The following PEBP4 variants were observed in gnomAD, a reference collection of about 807,000 sequenced individuals.
PEBP4 encodes the protein phosphatidylethanolamine binding protein 4.
A neutral mutation model predicts 23.9 loss-of-function variants in PEBP4; 22 were observed. The observed-to-expected ratio is 0.92, with a 90% CI of 0.66 to 1.31. PEBP4 has a LOEUF of 1.31. Ranked by LOEUF, PEBP4 falls within the 40% of genes most tolerant of loss-of-function variation. The probability of loss-of-function intolerance (pLI) is 0.00; values close to 1 mark genes in which losing one functional copy is unlikely to be tolerated. For missense variants in PEBP4, 324 were observed against 281.7 expected (o/e 1.15, Z -1.07); for synonymous variants, 112 against 99.3 (o/e 1.13, Z -0.76).
chr8:22,814,169 C>T (rs566844061), intron 4 of PEBP4, among the ~76,000 whole-genome samples: 1 of 152,266 alleles, frequency 6.6e-6, no homozygotes, highest in Non-Finnish European at 1.5e-5. Context: ...CTCCAGCTTA[C>T]GAGTGAGTAT....
At chr8:22,903,132 AC>A (rs899463305) in intron 3 of PEBP4, among the ~76,000 whole-genome samples, 2 of 152,082 alleles carry the variant, frequency 1.3e-5, no homozygotes, top group Admixed American at 6.5e-5. Context: ...AAGAAGAATC[AC>A]CCCGGAAACC....
chr8:22,848,970 G>A (rs924198359), intron 3 of PEBP4, among the ~76,000 whole-genome samples: 1 of 152,188 alleles, frequency 6.6e-6, no homozygotes, highest in African/African-American at 2.4e-5. Flanking sequence ...GAGTCCAGTG[G>A]CAGGAATCTG....
chr8:22,869,054 C>A (rs1187712933), intron 3 of PEBP4, among the ~76,000 whole-genome samples: 1 of 152,226 alleles, frequency 6.6e-6, no homozygotes. Context: ...CCACACTGGC[C>A]TCCTTGCAGT....
rs113380878 is a variant in PEBP4 at position 22,821,984 on chromosome 8, C to CAAA, written c.259-4252_259-4250dup. Among the ~76,000 whole-genome samples the CAAA allele has an allele frequency of 1.1e-3, 144 of 130,958 alleles. 2 individuals carry two copies. Among genetic ancestry groups the CAAA allele is most frequent in the African/African-American group, 2.7e-3 (94 of 34,306 alleles). The allele number at this position is 130,958 out of a possible 152,430, so 85.9% of individuals were successfully genotyped here. ...TGGGCGACAGAGCAAGACCTCGTCT[C>CAAA]AAAAAAAAAAAAAAAGAGGCTGAGG... is the stretch of plus-strand genomic sequence containing the variant. On this transcript the variant is annotated intron_variant, in intron 3 of 6. Transcript: ENST00000256404.
intron 3 of PEBP4, among the ~76,000 whole-genome samples, chr8:22,834,355 A>G (rs966170975): frequency 6.6e-6 from 1 of 152,218 alleles, no homozygotes; most frequent in Admixed American, 6.5e-5. Context: ...CTGGAGCCGA[A>G]AGCCTTTCAT....
chr8:22,736,782 A>C (rs1304987131), intron 4 of PEBP4, among the ~76,000 whole-genome samples: 1 of 152,196 alleles, frequency 6.6e-6, no homozygotes, highest in Non-Finnish European at 1.5e-5. Flanking sequence ...CATTTATCTG[A>C]AGTCATATAG....
At chr8:22,837,806 C>A (rs1807236490) in intron 3 of PEBP4, among the ~76,000 whole-genome samples, 1 of 151,892 alleles carries the variant, frequency 6.6e-6, no homozygotes, top group Non-Finnish European at 1.5e-5. Context: ...TTGCTTGTAC[C>A]TTTGCTGAGG....
At chr8:22,723,118 C>T (rs930912546) in intron 6 of PEBP4, among the ~76,000 whole-genome samples, 1 of 151,976 alleles carries the variant, frequency 6.6e-6, no homozygotes, top group Non-Finnish European at 1.5e-5. Flanking sequence ...GATGCAAGTC[C>T]AGTTTCTAAG....
chr8:22,766,025 C>T (rs1482227336), intron 4 of PEBP4, among the ~76,000 whole-genome samples: 2 of 152,262 alleles, frequency 1.3e-5, no homozygotes, highest in African/African-American at 2.4e-5. Flanking sequence ...ATGCTATTTT[C>T]GAGGAAGAGC....
chr8:22,735,734 C>T (rs981612242), intron 4 of PEBP4, among the ~76,000 whole-genome samples: 2 of 152,216 alleles, frequency 1.3e-5, no homozygotes, highest in African/African-American at 4.8e-5. Context: ...TGGGCCCCAG[C>T]TGGGGGACAC....
intron 3 of PEBP4, among the ~76,000 whole-genome samples, chr8:22,861,414 A>G (rs929700798): frequency 1.3e-5 from 2 of 152,212 alleles, no homozygotes; most frequent in African/African-American, 2.4e-5. Flanking sequence ...AATATCGACT[A>G]CTATCCCCAT....
At position 22,912,335 on chromosome 8, in the gene PEBP4, C is replaced by T. The variant is rs1808956012; in HGVS notation, c.258+7849G>A. ...AGGGGTGCGTTCTGTGTGTATCCCTCACTACCGGAACAGTACCTGGCAGAG... is the reference window on the plus strand; with the variant it reads ...AGGGGTGCGTTCTGTGTGTATCCCTTACTACCGGAACAGTACCTGGCAGAG... On this transcript the variant is annotated intron_variant, in intron 3 of 6. Transcript: ENST00000256404. Among the ~76,000 whole-genome samples the T allele has an allele frequency of 2.0e-5, 3 of 152,244 alleles. 1 individual carries two copies. The highest frequency in any genetic ancestry group is 7.2e-5 in the African/African-American group (3 of 41,462).
chr8:22,764,160 T>C (rs1388643625), intron 4 of PEBP4, among the ~76,000 whole-genome samples: 3 of 152,162 alleles, frequency 2.0e-5, no homozygotes, highest in Admixed American at 6.5e-5. Context: ...TCACACATAC[T>C]CTATAGCACC....
At chr8:22,782,099 T>C (rs1368482943) in intron 4 of PEBP4, among the ~76,000 whole-genome samples, 2 of 152,158 alleles carry the variant, frequency 1.3e-5, no homozygotes, top group Non-Finnish European at 2.9e-5. Context: ...GACAGAGGTG[T>C]CCAAGTGCTT....
chr8:22,897,468 C>T (rs1808611635), intron 3 of PEBP4, among the ~76,000 whole-genome samples: 1 of 152,164 alleles, frequency 6.6e-6, no homozygotes, highest in African/African-American at 2.4e-5. Flanking sequence ...CTTATCTCTG[C>T]CATTTGACTC....
At chr8:22,856,079 A>G (rs1475497109) in intron 3 of PEBP4, among the ~76,000 whole-genome samples, 1 of 150,770 alleles carries the variant, frequency 6.6e-6, no homozygotes, top group South Asian at 2.1e-4. Flanking sequence ...GAAACCTAAT[A>G]TAATAAAAAG....
chr8:22,900,869 A>G (rs1300333439), intron 3 of PEBP4, among the ~76,000 whole-genome samples: 1 of 152,096 alleles, frequency 6.6e-6, no homozygotes, highest in African/African-American at 2.4e-5. Flanking sequence ...TCCTCATTCT[A>G]AGCCTATTTA....
At chr8:22,800,819 G>C (rs1489811774) in intron 4 of PEBP4, among the ~76,000 whole-genome samples, 1 of 152,178 alleles carries the variant, frequency 6.6e-6, no homozygotes, top group Non-Finnish European at 1.5e-5. Flanking sequence ...ACAACTCCCA[G>C]ATACTGTGGG....
intron 6 of PEBP4, among the ~76,000 whole-genome samples, chr8:22,722,209 A>G (rs548627893): frequency 1.3e-5 from 2 of 151,988 alleles, no homozygotes; most frequent in African/African-American, 4.8e-5. Context: ...TGGTTTCTCC[A>G]ACCCAGAGCT....
Sources: gnomAD v4.1 joint callset for allele counts (sites outside exome capture counted in the v4.1 genomes callset) on GRCh38, gnomAD v4.1.1 for gene constraint, MANE v1.5 for transcripts, NCBI Gene and HGNC (gene_info 2026-07-23, HGNC 2026-07-21) for gene names.